The following RB1 variants were observed in gnomAD, a reference collection of about 807,000 sequenced individuals.
RB1 encodes the protein RB transcriptional corepressor 1.
In RB1, 18 loss-of-function variants were observed where a neutral mutation model predicts 135.4. The observed-to-expected ratio is 0.13, with a 90% CI of 0.09 to 0.20. The LOEUF (loss-of-function observed/expected upper bound fraction) is 0.20. Ranked by LOEUF, RB1 falls within the 10% of genes least tolerant of loss-of-function variation. RB1 has a pLI of 1.00. For missense variants in RB1, 868 were observed against 1,110.0 expected, an observed-to-expected ratio of 0.78 and a Z score of 3.10; for synonymous variants, 365 against 373.2, an observed-to-expected ratio of 0.98 and a Z score of 0.25.
chr13:48,447,410 C>T (rs1949296115), intron 17 of RB1, among the ~76,000 whole-genome samples: 1 of 152,078 alleles, frequency 6.6e-6, no homozygotes, highest in South Asian at 2.1e-4. Flanking sequence ...CATAGACATA[C>T]AACATATACT....
At position 48,450,083 on chromosome 13, in the gene RB1, G is replaced by GAT. The variant is rs199972400; in HGVS notation, c.1696-2899_1696-2898dup. On this transcript the variant is annotated intron_variant, in intron 17 of 26. Transcript: ENST00000267163. ...CTGTAGGTTGTCTGTGCACTCTGAT[G>GAT]ATATATATATATTTTTTTTTTTTTG... Among the ~76,000 whole-genome samples, 628 of 122,580 alleles carry GAT rather than the reference G, an allele frequency of 5.1e-3. 3 individuals are homozygous for GAT. Among genetic ancestry groups the GAT allele is most frequent in the East Asian group, 6.1e-3 (26 of 4,266 alleles). The allele number at this position is 122,580 out of a possible 152,430, so 80.4% of individuals were successfully genotyped here. A position where few individuals can be genotyped will look rare whatever the true frequency, so the allele number is the denominator to read the frequency against.
intron 13 of RB1, among the ~76,000 whole-genome samples, chr13:48,377,473 G>T (rs1952840098): frequency 6.6e-6 from 1 of 152,136 alleles, no homozygotes; most frequent in African/African-American, 2.4e-5. Context: ...GCCATGGAGT[G>T]ACAGCCCTGG....
In RB1 at chr13:48,367,727, T is replaced by G. The variant is rs375258092; in HGVS notation, c.1049+124T>G. ...ATTTATAACAAATTACTTTCAAATG[T>G]CTTTATACAAAGAAAAGTTTAACAG... On this transcript the variant is annotated intron_variant, in intron 10 of 26. Transcript: ENST00000267163. 68 of 1,143,644 alleles carry G rather than the reference T, an allele frequency of 5.9e-5. No individual in the cohort carries two copies. The East Asian group carries it at 1.7e-3, about 29-fold the overall frequency. 70.8% of individuals were successfully genotyped at this position (1,143,644 alleles called of 1,614,324 possible).
chr13:48,337,040 T>C lies in RB1; in HGVS notation c.265-5559T>C, dbSNP rs548065849. On this transcript the variant is annotated intron_variant, in intron 2 of 26. Transcript: ENST00000267163. ...GTTCTAGTTTGATTGCACTGTGATCTGAGAGACAGTTTGTTATAATTTCTT... is the reference window on the plus strand; with the variant it reads ...GTTCTAGTTTGATTGCACTGTGATCCGAGAGACAGTTTGTTATAATTTCTT... Among the ~76,000 whole-genome samples the C allele has an allele frequency of 2.6e-5, 4 of 152,374 alleles. No individual in the cohort carries two copies. In the South Asian group the frequency reaches 8.3e-4, roughly 32 times the overall value.
At chr13:48,344,903 T>C (rs936480912) in intron 3 of RB1, among the ~76,000 whole-genome samples, 177 bp from the exon 4 acceptor site, 4 of 152,190 alleles carry the variant, frequency 2.6e-5, no homozygotes, top group African/African-American at 4.8e-5. Flanking sequence ...ATATAGATAA[T>C]AGAGGTGTAA....
intron 24 of RB1, among the ~76,000 whole-genome samples, chr13:48,474,638 C>T (rs1329759861): frequency 6.6e-6 from 1 of 152,054 alleles, no homozygotes; most frequent in East Asian, 1.9e-4. Context: ...CTTGTCCTTC[C>T]TCTCAGACTT....
chr13:48,360,502 A>C (rs1009994670), intron 7 of RB1: 6 of 180,794 alleles, frequency 3.3e-5, no homozygotes, highest in African/African-American at 1.2e-4. Context: ...CCCAGTGAAG[A>C]AAAGCAAGAA....
intron 23 of RB1, among the ~76,000 whole-genome samples, chr13:48,471,506 C>T (rs1332281254): frequency 1.7e-5 from 2 of 119,200 alleles, no homozygotes; most frequent in African/African-American, 6.1e-5. Flanking sequence ...CACATGTATA[C>T]ATATGTAACT....
At chr13:48,343,689 C>CA (rs1228523098) in intron 3 of RB1, among the ~76,000 whole-genome samples, 2 of 152,084 alleles carry the variant, frequency 1.3e-5, no homozygotes, top group South Asian at 2.1e-4. Flanking sequence ...CCATATACCT[C>CA]AAAAAAACTG....
chr13:48,317,711 G>A, intron 2 of RB1: 1 of 523,256 alleles, frequency 1.9e-6, no homozygotes, highest in Non-Finnish European at 2.9e-6. Flanking sequence ...GGAGCAGCGG[G>A]GAGCCCCTTC....
At chr13:48,321,603 C>T (rs577408716) in intron 2 of RB1, among the ~76,000 whole-genome samples, 3 of 152,110 alleles carry the variant, frequency 2.0e-5, no homozygotes, top group African/African-American at 7.2e-5. Context: ...CGTCTGTAAT[C>T]CTAGCACTTT....
chr13:48,372,628 G>A (rs1362742302), intron 11 of RB1, among the ~76,000 whole-genome samples: 3 of 151,578 alleles, frequency 2.0e-5, no homozygotes, highest in Admixed American at 2.0e-4. Context: ...TCCAGCCTGG[G>A]CGACAGAGCA....
intron 6 of RB1, among the ~76,000 whole-genome samples, chr13:48,353,905 C>T (rs1952569676): frequency 6.6e-6 from 1 of 152,002 alleles, no homozygotes; most frequent in South Asian, 2.1e-4. Flanking sequence ...ATGCCCAAAA[C>T]CCTAAAAAAC....
chr13:48,436,176 A>C (rs1365308937), intron 17 of RB1, among the ~76,000 whole-genome samples: 1 of 152,226 alleles, frequency 6.6e-6, no homozygotes, highest in East Asian at 1.9e-4. Context: ...ACCATCTCAT[A>C]GCTGGTTGGT....
At chr13:48,452,951 A>T in intron 17 of RB1, 42 bp from the exon 18 acceptor site, 1 of 1,607,790 alleles carries the variant, frequency 6.2e-7, no homozygotes, top group South Asian at 1.1e-5. Context: ...TGGGAAAATT[A>T]TGCTTACTAA....
At chr13:48,442,059 A>G (rs967593533) in intron 17 of RB1, among the ~76,000 whole-genome samples, 1 of 152,166 alleles carries the variant, frequency 6.6e-6, no homozygotes, top group African/African-American at 2.4e-5. Flanking sequence ...CTCCTTCTAC[A>G]TCTACAAAAT....
chr13:48,447,405 A>G (rs895008098), intron 17 of RB1, among the ~76,000 whole-genome samples: 1 of 152,204 alleles, frequency 6.6e-6, no homozygotes, highest in African/African-American at 2.4e-5. Context: ...CCTAGCATAG[A>G]CATACAACAT....
chr13:48,324,969 C>T (rs1329600020), intron 2 of RB1, among the ~76,000 whole-genome samples: 1 of 151,184 alleles, frequency 6.6e-6, no homozygotes, highest in African/African-American at 2.4e-5. Flanking sequence ...AGTAGTATCT[C>T]ACTGCATGGG....
intron 12 of RB1, among the ~76,000 whole-genome samples, chr13:48,375,011 A>G (rs900831733): frequency 1.3e-5 from 2 of 152,158 alleles, no homozygotes; most frequent in Non-Finnish European, 2.9e-5. Context: ...AATGACCTCC[A>G]GCTACATCCA....
Sources: gnomAD v4.1 joint callset for allele counts (sites outside exome capture counted in the v4.1 genomes callset) on GRCh38, gnomAD v4.1.1 for gene constraint, MANE v1.5 for transcripts, NCBI Gene and HGNC (gene_info 2026-07-23, HGNC 2026-07-21) for gene names.